TTC6: variants seen among roughly 807,000 people sequenced by gnomAD.
TTC6 encodes the protein tetratricopeptide repeat protein 6.
TTC6 carries 172 observed loss-of-function variants against 210.4 expected under a neutral mutation model. The ratio of observed to expected loss-of-function variants is 0.82; its 90% CI spans 0.72 to 0.93. The LOEUF (loss-of-function observed/expected upper bound fraction) is 0.93. TTC6 is among the 40% of genes least tolerant of loss of function. TTC6 has a pLI of 0.00. For synonymous variants in TTC6, 804 were observed against 819.6 expected (o/e 0.98, Z 0.32); for missense variants, 2,414 against 2,318.1 (o/e 1.04, Z -0.85).
chr14:37,751,292 T>C, intron 13 of TTC6, 67 bp downstream of exon 15: 2 of 1,186,304 alleles, frequency 1.7e-6, no homozygotes, highest in East Asian at 2.8e-5. Flanking sequence ...ATGCAAATAG[T>C]ACAGCAAGTT....
At chr14:37,781,771 A>T (rs2096055487) in intron 14 of TTC6, among the ~76,000 whole-genome samples, 1 of 152,214 alleles carries the variant, frequency 6.6e-6, no homozygotes, top group Non-Finnish European at 1.5e-5. Context: ...TCTGATGTTT[A>T]AGTCTTTAAT....
chr14:37,762,011 A>G (rs2095986068), intron 14 of TTC6, among the ~76,000 whole-genome samples: 1 of 152,172 alleles, frequency 6.6e-6, no homozygotes, highest in Non-Finnish European at 1.5e-5. Context: ...AATAACCAGT[A>G]TTGTTCTACT....
Position 37,735,251 on chromosome 14 carries a change from A to G in TTC6, c.1819-670A>G, listed in dbSNP as rs181525260. 1.1e-4 allele frequency among the ~76,000 whole-genome samples: 17 copies of G among 152,262 alleles called. No homozygotes were observed. In the East Asian group the frequency reaches 1.9e-3, roughly 17 times the overall value. ...TCAATAAATATTTTTAAAATTTGTA[A>G]TGTTAGTGTTTGAGACCTAACAATT... is the stretch of plus-strand genomic sequence containing the variant. On this transcript the variant is annotated intron_variant, in intron 7 of 30. Transcript: ENST00000553443.
intron 1 of TTC6, among the ~76,000 whole-genome samples, chr14:37,656,082 A>G (rs2095722297): frequency 6.6e-6 from 1 of 152,136 alleles, no homozygotes; most frequent in South Asian, 2.1e-4. Flanking sequence ...ATTTTTTTGG[A>G]AACAAACAAA....
chr14:37,640,185 T>C (rs1011621719), intron 1 of TTC6, among the ~76,000 whole-genome samples: 4 of 152,050 alleles, frequency 2.6e-5, no homozygotes, highest in Non-Finnish European at 4.4e-5. Flanking sequence ...GATATGCTAA[T>C]TTATTATAGA....
At chr14:37,600,028 A>G (rs1164423455) in intron 1 of TTC6, among the ~76,000 whole-genome samples, 1 of 152,110 alleles carries the variant, frequency 6.6e-6, no homozygotes, top group Non-Finnish European at 1.5e-5. Context: ...TGCTGAAAGG[A>G]TCCTCGGGCT....
chr14:37,706,386 C>A (rs1279546368), intron 5 of TTC6, among the ~76,000 whole-genome samples: 1 of 152,056 alleles, frequency 6.6e-6, no homozygotes, highest in Non-Finnish European at 1.5e-5. Flanking sequence ...CTCCTCATCT[C>A]TTGACTTCTC....
chr14:37,777,998 C>T (rs143262032), intron 14 of TTC6, among the ~76,000 whole-genome samples: 2 of 152,194 alleles, frequency 1.3e-5, no homozygotes, highest in African/African-American at 4.8e-5. Context: ...CTGGAGGGGC[C>T]AAGGTGTTCC....
At chr14:37,604,247 T>G (rs1454240886) in intron 1 of TTC6, among the ~76,000 whole-genome samples, 1 of 152,190 alleles carries the variant, frequency 6.6e-6, no homozygotes, top group East Asian at 1.9e-4. Context: ...CTAATTTCCT[T>G]GACTGGTGGA....
At chr14:37,832,333 T>TTTTTTTTTTTTTTTTTTTTTTTTTTCC (rs2096187712) in intron 29 of TTC6, among the ~76,000 whole-genome samples, 1 of 4,808 alleles carries the variant, frequency 2.1e-4, no homozygotes, top group Non-Finnish European at 1.7e-3. Context: ...TTCTCTCTTT[T>TTTTTTTTTTTTTTTTTTTTTTTTTTCC]TTTTTTTTTT....
intron 6 of TTC6, among the ~76,000 whole-genome samples, chr14:37,721,872 A>G (rs1344631562): frequency 1.4e-5 from 2 of 142,088 alleles, no homozygotes; most frequent in Non-Finnish European, 3.0e-5. Context: ...ATATATATAT[A>G]TATATGTATA....
intron 29 of TTC6, among the ~76,000 whole-genome samples, chr14:37,831,588 G>T (rs1183303939): frequency 6.8e-6 from 1 of 146,106 alleles, no homozygotes; most frequent in Non-Finnish European, 1.5e-5. Flanking sequence ...TTTTTTTTGT[G>T]TGTGTTTTTC....
chr14:37,748,834 T>A, intron 10 of TTC6, 105 bp from the exon 13 acceptor site: 1 of 828,724 alleles, frequency 1.2e-6, no homozygotes, highest in Non-Finnish European at 1.8e-6. Context: ...CATGTAATTT[T>A]GTTTTGATAA....
chr14:37,599,097 A>G (rs1414734805), intron 1 of TTC6, among the ~76,000 whole-genome samples: 1 of 152,204 alleles, frequency 6.6e-6, no homozygotes, highest in African/African-American at 2.4e-5. Flanking sequence ...ACAAGGGGTC[A>G]CACGTGCGTG....
At chr14:37,695,893 A>T (rs986080605) in intron 3 of TTC6, among the ~76,000 whole-genome samples, 1 of 152,182 alleles carries the variant, frequency 6.6e-6, no homozygotes, top group Non-Finnish European at 1.5e-5. Context: ...GATGAAATTT[A>T]ATTAGGATAG....
chr14:37,801,669 G>GTTGGC (rs1487856282), intron 20 of TTC6, among the ~76,000 whole-genome samples: 1 of 152,160 alleles, frequency 6.6e-6, no homozygotes, highest in Admixed American at 6.5e-5. Context: ...GCTGGGACCT[G>GTTGGC]AGTGCAGCCA....
At chr14:37,833,385 A>C (rs1449501222) in intron 29 of TTC6, among the ~76,000 whole-genome samples, 1 of 152,002 alleles carries the variant, frequency 6.6e-6, no homozygotes, top group African/African-American at 2.4e-5. Flanking sequence ...GTCTCTTCTT[A>C]TGTTTTTTGA....
At chr14:37,729,280 A>G (rs183366539) in intron 7 of TTC6, among the ~76,000 whole-genome samples, 5 of 152,226 alleles carry the variant, frequency 3.3e-5, no homozygotes, top group Non-Finnish European at 7.3e-5. Flanking sequence ...AAAGTTAATG[A>G]TATAAAGTGT....
chr14:37,638,395 C>T (rs1295085543), intron 1 of TTC6, among the ~76,000 whole-genome samples: 1 of 152,054 alleles, frequency 6.6e-6, no homozygotes, highest in Non-Finnish European at 1.5e-5. Flanking sequence ...TCTGGGACTA[C>T]AGGGACCCAC....
Sources: gnomAD v4.1 joint callset for allele counts (sites outside exome capture counted in the v4.1 genomes callset) on GRCh38, gnomAD v4.1.1 for gene constraint, MANE v1.5 for transcripts, NCBI Gene and HGNC (gene_info 2026-07-23, HGNC 2026-07-21) for gene names.